SHROOM2: variants seen among roughly 807,000 people sequenced by gnomAD.
SHROOM2 encodes the protein shroom family member 2, also known as protein Shroom2.
Under a neutral mutation model 75.9 loss-of-function variants are expected in SHROOM2, and 33 were observed. The observed-to-expected ratio is 0.43, with a 90% CI of 0.33 to 0.58. SHROOM2 has a LOEUF of 0.58. Among genes scored for constraint, SHROOM2 ranks in the 20% least tolerant of loss-of-function variants. SHROOM2 has a pLI of 0.04. For missense variants in SHROOM2, 1,434 were observed against 1,461.2 expected, an observed-to-expected ratio of 0.98 and a Z score of 0.30; for synonymous variants, 655 against 663.6, an observed-to-expected ratio of 0.99 and a Z score of 0.20.
chrX:9,819,796 T>G (rs1037675554), intron 1 of SHROOM2, among the ~76,000 whole-genome samples: 1 of 106,491 alleles, frequency 9.4e-6, no homozygotes, highest in African/African-American at 3.4e-5. Flanking sequence ...TATCTTTTTT[T>G]TTTTTTTTTT....
At chrX:9,875,074 C>T (rs2146797483) in intron 2 of SHROOM2, among the ~76,000 whole-genome samples, 1 of 7,299 alleles carries the variant, frequency 1.4e-4, no homozygotes, top group Non-Finnish European at 7.1e-4. Context: ...GAGCAAGACC[C>T]TGTCTCAAAA....
In SHROOM2 at chrX:9,862,251, C is replaced by T. The variant is rs776398659; in HGVS notation, c.166-11401C>T. On this transcript the variant is annotated intron_variant, in intron 1 of 9. Transcript: ENST00000380913. ...TAGGTAAGGAGAACTCTAAAGAATACGAGAATAGCAGATAGAGGGAGTGGC... is the reference window on the plus strand; with the variant it reads ...TAGGTAAGGAGAACTCTAAAGAATATGAGAATAGCAGATAGAGGGAGTGGC... Among the ~76,000 whole-genome samples the T allele has an allele frequency of 2.5e-3, 281 of 110,953 alleles. 3 individuals are homozygous for T. The highest frequency in any genetic ancestry group is 8.6e-3 in the African/African-American group (261 of 30,525).
intron 2 of SHROOM2, among the ~76,000 whole-genome samples, chrX:9,875,110 A>AAAAAAG (rs2084192753): frequency 8.6e-5 from 8 of 93,124 alleles, no homozygotes; most frequent in African/African-American, 2.9e-4. Context: ...AAAAAAAAAA[A>AAAAAAG]GGGGAGGAAG....
chrX:9,875,319 C>T (rs1452561839), intron 2 of SHROOM2, among the ~76,000 whole-genome samples: 1 of 109,517 alleles, frequency 9.1e-6, no homozygotes, highest in Non-Finnish European at 1.9e-5. Flanking sequence ...CGTCTTAACC[C>T]TCCTATAGCA....
chrX:9,923,109 G>C (rs923398576), intron 5 of SHROOM2, among the ~76,000 whole-genome samples: 2 of 111,850 alleles, frequency 1.8e-5, no homozygotes, highest in African/African-American at 6.5e-5. Flanking sequence ...TGGGGAGTCT[G>C]ATGAATTTGT....
intron 5 of SHROOM2, among the ~76,000 whole-genome samples, chrX:9,920,421 C>G (rs932139631): frequency 2.7e-5 from 3 of 111,850 alleles, no homozygotes; most frequent in Admixed American, 1.9e-4. Flanking sequence ...GTGTAGGGAA[C>G]AAGGTGTAAG....
In SHROOM2 at chrX:9,868,579, T is replaced by G. The variant is rs371034216; in HGVS notation, c.166-5073T>G. Among the ~76,000 whole-genome samples, 195 of 109,939 alleles carry G rather than the reference T, an allele frequency of 1.8e-3. 1 individual carries two copies. Among genetic ancestry groups the G allele is most frequent in the African/African-American group, 5.9e-3 (178 of 30,247 alleles). On this transcript the variant is annotated intron_variant, in intron 1 of 9. Coordinates refer to ENST00000380913, the MANE Select transcript of SHROOM2 (RefSeq NM_001649.4). ...ATTTTTTTGAGACAGGGTCTCGCTCTGTCACCCAGGCTAGAGTGGGTTGGC... is the reference window on the plus strand; with the variant it reads ...ATTTTTTTGAGACAGGGTCTCGCTCGGTCACCCAGGCTAGAGTGGGTTGGC...
chrX:9,841,295 T>C (rs1269197223), intron 1 of SHROOM2, among the ~76,000 whole-genome samples: 1 of 111,931 alleles, frequency 8.9e-6, no homozygotes, highest in Non-Finnish European at 1.9e-5. Flanking sequence ...ATATCTTCCA[T>C]GGCAGTAAAT....
At chrX:9,826,312 C>G (rs2083887367) in intron 1 of SHROOM2, among the ~76,000 whole-genome samples, 1 of 112,178 alleles carries the variant, frequency 8.9e-6, no homozygotes, top group Non-Finnish European at 1.9e-5. Flanking sequence ...CTGCTGGGCT[C>G]GGATGACACA....
At chrX:9,863,696 C>T (rs1446794489) in intron 1 of SHROOM2, among the ~76,000 whole-genome samples, 2 of 109,768 alleles carry the variant, frequency 1.8e-5, no homozygotes, top group African/African-American at 6.6e-5. Context: ...GAAGCGTGGG[C>T]ATAGCACACT....
intron 5 of SHROOM2, among the ~76,000 whole-genome samples, chrX:9,901,610 A>G (rs1279849782): frequency 4.5e-5 from 5 of 112,125 alleles, no homozygotes; most frequent in African/African-American, 1.3e-4. Flanking sequence ...GCACCATGCA[A>G]CTGAAGGCTG....
At chrX:9,821,926 A>T (rs1237997204) in intron 1 of SHROOM2, among the ~76,000 whole-genome samples, 1 of 112,072 alleles carries the variant, frequency 8.9e-6, no homozygotes, top group African/African-American at 3.2e-5. Flanking sequence ...ATTTTATCGT[A>T]TGTGAGTTAT....
intron 8 of SHROOM2, among the ~76,000 whole-genome samples, chrX:9,942,452 C>G (rs182211721): frequency 1.8e-4 from 20 of 111,997 alleles, no homozygotes; most frequent in South Asian, 1.5e-3. Flanking sequence ...CCCACACACA[C>G]CAGTCGCAAG....
chrX:9,831,639 T>C (rs137861226), intron 1 of SHROOM2, among the ~76,000 whole-genome samples: 1,593 of 111,938 alleles, frequency 0.014, 23 homozygotes, highest in African/African-American at 0.049. Context: ...GCCTGGGCAA[T>C]GAGAGCAAAA....
intron 8 of SHROOM2, among the ~76,000 whole-genome samples, chrX:9,944,167 T>G (rs1033300474): frequency 8.9e-6 from 1 of 112,059 alleles, no homozygotes; most frequent in Admixed American, 9.5e-5. Flanking sequence ...AAATAAAAAT[T>G]AAATAAATAA....
intron 2 of SHROOM2, among the ~76,000 whole-genome samples, chrX:9,889,016 G>T (rs984974848): frequency 1.2e-4 from 13 of 112,074 alleles, no homozygotes; most frequent in Non-Finnish European, 1.9e-4. Flanking sequence ...TATAAAGGAA[G>T]ATGAAAGAAG....
At chrX:9,839,001 T>G (rs1235687509) in intron 1 of SHROOM2, among the ~76,000 whole-genome samples, 1 of 111,157 alleles carries the variant, frequency 9.0e-6, no homozygotes, top group Non-Finnish European at 1.9e-5. Context: ...TTGGACCCTT[T>G]CCTTCCCTGT....
intron 1 of SHROOM2, among the ~76,000 whole-genome samples, chrX:9,871,556 T>A (rs2084171339): frequency 8.9e-6 from 1 of 112,404 alleles, no homozygotes; most frequent in Non-Finnish European, 1.9e-5. Context: ...TGTAAAGACA[T>A]CAGGATAAAA....
chrX:9,857,523 A>G (rs1418554494), intron 1 of SHROOM2, among the ~76,000 whole-genome samples: 6 of 109,530 alleles, frequency 5.5e-5, no homozygotes, highest in Non-Finnish European at 9.5e-5. Flanking sequence ...AGTAGCTGGA[A>G]CTACAGGCAC....
Sources: allele counts gnomAD v4.1 joint callset (sites outside exome capture counted in the v4.1 genomes callset), GRCh38; gene constraint gnomAD v4.1.1; transcripts MANE v1.5; gene names NCBI Gene and HGNC (gene_info 2026-07-23, HGNC 2026-07-21).